Variants in BBOF1 observed in about 807,000 individuals in gnomAD.
The protein encoded by BBOF1 is basal body orientation factor 1, also known as basal body-orientation factor 1.
In BBOF1, 62 loss-of-function variants were observed where a neutral mutation model predicts 68.0. The ratio of observed to expected loss-of-function variants is 0.91; its 90% CI spans 0.74 to 1.13. The LOEUF is 1.13. BBOF1 is among the 50% of genes most tolerant of loss of function. The probability of loss-of-function intolerance (pLI) is 0.00; values close to 1 mark genes in which losing one functional copy is unlikely to be tolerated. For missense variants in BBOF1, 534 were observed against 600.1 expected, an observed-to-expected ratio of 0.89 and a Z score of 1.15; for synonymous variants, 208 against 198.8, an observed-to-expected ratio of 1.05 and a Z score of -0.39.
At chr14:74,068,762 C>T (rs1007681379), downstream of BBOF1, 1 of 1,389,676 alleles carries the variant, frequency 7.2e-7, no homozygotes, top group Non-Finnish European at 1.0e-6. Flanking sequence ...GAAACACTGA[C>T]ATTGGAGTGG....
At chr14:74,029,479 C>T (rs967076652) in intron 3 of BBOF1, among the ~76,000 whole-genome samples, 4 of 151,956 alleles carry the variant, frequency 2.6e-5, no homozygotes, top group Non-Finnish European at 5.9e-5. Context: ...GTCAGGAGTT[C>T]GAGATCAGCC....
chr14:74,038,885 G>T (rs2059768938), intron 4 of BBOF1, among the ~76,000 whole-genome samples: 1 of 151,264 alleles, frequency 6.6e-6, no homozygotes, highest in Admixed American at 6.6e-5. Flanking sequence ...GCCAGATCCT[G>T]TCTCCAAAAA....
intron 10 of BBOF1, among the ~76,000 whole-genome samples, chr14:74,079,581 C>T (rs1461603450): frequency 2.6e-5 from 4 of 151,920 alleles, no homozygotes; most frequent in South Asian, 2.1e-4. Flanking sequence ...TACAGGCGCC[C>T]GCCACCATGC....
At chr14:74,032,118 A>ATT (rs780515040) in intron 3 of BBOF1, among the ~76,000 whole-genome samples, 1,814 of 99,536 alleles carry the variant, frequency 0.018, 20 homozygotes, top group Non-Finnish European at 0.02. Flanking sequence ...CTCAAAGTTG[A>ATT]TTTTTTTTTT....
chr14:74,074,367 A>G (rs952507976), intron 9 of BBOF1, among the ~76,000 whole-genome samples: 6 of 151,008 alleles, frequency 4.0e-5, no homozygotes, highest in African/African-American at 1.5e-4. Context: ...GCTCACTGCA[A>G]CCTCCGCCTC....
Position 74,072,722 on chromosome 14 carries a change from A to T in BBOF1, n.1380-5474A>T, listed in dbSNP as rs926621012. ...CCAAAAGGAAAGAAAACAAGTTGAT[A>T]ACGGAATCTTCTGGTCTTTAGAAAT... On this transcript the variant is annotated intron_variant and non_coding_transcript_variant, in intron 9 of 12. Transcript: ENST00000492026. 15 of 1,219,510 alleles carry T rather than the reference A, an allele frequency of 1.2e-5. No homozygotes were observed. In the Admixed American group the frequency reaches 2.8e-4, roughly 23 times the overall value. 75.5% of individuals were successfully genotyped at this position (1,219,510 alleles called of 1,614,324 possible). A position where few individuals can be genotyped will look rare whatever the true frequency, so the allele number is the denominator to read the frequency against.
chr14:74,079,550 A>G (rs2060651088), intron 10 of BBOF1, among the ~76,000 whole-genome samples: 1 of 150,992 alleles, frequency 6.6e-6, no homozygotes, highest in Non-Finnish European at 1.5e-5. Context: ...CTCCTGCCTC[A>G]GCCTCTTGAG....
rs1003539745 is a variant in BBOF1 at position 74,055,400 on chromosome 14, C to T, written c.1287-184C>T. On this transcript the variant is annotated intron_variant, in intron 8 of 11. Coordinates refer to ENST00000394009, the MANE Select transcript of BBOF1 (RefSeq NM_025057.3). ...CTGACCTCAGATGATCCACCCGCCT[C>T]GGCCTCCCAAAGTGCTGGGATTACA... is the stretch of plus-strand genomic sequence containing the variant. 30 of 496,880 alleles carry T rather than the reference C, an allele frequency of 6.0e-5. No individual in the cohort carries two copies. In the Middle Eastern group the frequency reaches 1.4e-3, roughly 23 times the overall value. 30.8% of individuals were successfully genotyped at this position (496,880 alleles called of 1,614,324 possible).
chr14:74,057,765 TACTG>T, intron 11 of BBOF1: 1 of 1,114,288 alleles, frequency 9.0e-7, no homozygotes, highest in Non-Finnish European at 1.1e-6. Context: ...AAAAAGAAAA[TACTG>T]ACTTTTTAGC....
At chr14:74,042,321 C>A (rs1050925278) in intron 5 of BBOF1, among the ~76,000 whole-genome samples, 2 of 152,216 alleles carry the variant, frequency 1.3e-5, no homozygotes, top group Non-Finnish European at 2.9e-5. Context: ...GGAATGGAAG[C>A]CCTCAGGAAT....
intron 4 of BBOF1, among the ~76,000 whole-genome samples, chr14:74,036,284 T>C (rs1207346667): frequency 2.6e-5 from 4 of 152,124 alleles, no homozygotes; most frequent in Admixed American, 6.6e-5. Context: ...CAAGAACTCC[T>C]GGCCTCAGGT....
In BBOF1 at chr14:74,046,129, G is replaced by A. The variant is rs917604171; in HGVS notation, c.646G>A (p.Val216Met). The change falls in exon 6 of 12, where the codon GTG (valine) becomes ATG (methionine). Residue 216 changes from valine (V) to methionine (M), a missense_variant and splice_region_variant. Val to Met is a conservative substitution (Grantham distance 21). Transcript: ENST00000394009. ...AGAGAGAGCCCACCATGAGGCTATT[G>A]TGTAAGAGACTGCTGCCTACTTTCT... ...LAERAHHEAI[V>M]QLNDAGRNVF... The A allele has an allele frequency of 3.1e-6, 5 of 1,604,352 alleles. No homozygotes were observed. In the South Asian group the frequency reaches 4.5e-5, roughly 14 times the overall value.
chr14:74,076,443 C>T (rs769809747), intron 9 of BBOF1, among the ~76,000 whole-genome samples: 14 of 152,152 alleles, frequency 9.2e-5, no homozygotes, highest in Non-Finnish European at 1.8e-4. Context: ...CTCACTGCAA[C>T]CTCTGCCTCC....
At chr14:74,060,155 TC>T in intron 11 of BBOF1, 1 of 157,942 alleles carries the variant, frequency 6.3e-6, no homozygotes, top group Admixed American at 6.0e-5. Context: ...AAATTTTTTT[TC>T]CCTTTTCTTT....
chr14:74,064,599 C>T, intron 11 of BBOF1, 89 bp from the exon 12 acceptor site: 1 of 1,271,554 alleles, frequency 7.9e-7, no homozygotes. Flanking sequence ...TAGACTTCCC[C>T]ATGCTCTTTC....
chr14:74,043,556 CAAAAAAAAAAA>C (rs1162364604), intron 5 of BBOF1, among the ~76,000 whole-genome samples: 13 of 26,844 alleles, frequency 4.8e-4, no homozygotes, highest in South Asian at 2.1e-3. Flanking sequence ...GACTCCGTCT[CAAAAAAAAAAA>C]AAAAAAAAAA....
At chr14:74,059,566 A>AGG in intron 11 of BBOF1, 3 of 310,260 alleles carry the variant, frequency 9.7e-6, no homozygotes, top group Non-Finnish European at 1.3e-5. Flanking sequence ...GTGGTGGCGC[A>AGG]TGCCTGTAAT....
chr14:74,023,939 A>AG (rs1276782029), intron 2 of BBOF1, among the ~76,000 whole-genome samples: 4 of 151,214 alleles, frequency 2.6e-5, no homozygotes, highest in African/African-American at 9.7e-5. Flanking sequence ...AAAAAAAAAA[A>AG]AAAAGAAAAG....
chr14:74,065,461 C>T lies in BBOF1; in HGVS notation c.*762C>T. The T allele has an allele frequency of 9.4e-7, 1 of 1,062,162 alleles. No homozygotes were observed. Among genetic ancestry groups the T allele is most frequent in the African/African-American group, 1.6e-5 (1 of 63,830 alleles). 65.8% of individuals were successfully genotyped at this position (1,062,162 alleles called of 1,614,324 possible). On this transcript the variant is annotated 3_prime_UTR_variant, in exon 12 of 12. Transcript: ENST00000394009. ...ACTTACTACACATCATTTACGTGGA[C>T]AACTTTCATATTACTAATCTCTTTT...
Sources: gnomAD v4.1 joint callset for allele counts (sites outside exome capture counted in the v4.1 genomes callset) on GRCh38, gnomAD v4.1.1 for gene constraint, MANE v1.5 for transcripts, NCBI Gene and HGNC (gene_info 2026-07-23, HGNC 2026-07-21) for gene names.